ZNF536: variants seen among roughly 807,000 people sequenced by gnomAD.
ZNF536 encodes zinc finger protein 536.
A neutral mutation model predicts 84.5 loss-of-function variants in ZNF536; 13 were observed. That is an observed-to-expected ratio of 0.15 (90% CI 0.10 to 0.24). The LOEUF (loss-of-function observed/expected upper bound fraction) is 0.24. ZNF536 is among the 10% of genes least tolerant of loss of function. The pLI, the probability that ZNF536 is intolerant of heterozygous loss-of-function variation, is 1.00. For synonymous variants in ZNF536, 811 were observed against 742.5 expected, an observed-to-expected ratio of 1.09 and a Z score of -1.50; for missense variants, 1,536 against 1,747.5, an observed-to-expected ratio of 0.88 and a Z score of 2.16.
At chr19:30,450,141 A>C (rs1169445754) in intron 2 of ZNF536, among the ~76,000 whole-genome samples, 3 of 146,870 alleles carry the variant, frequency 2.0e-5, no homozygotes, top group Admixed American at 6.8e-5. Flanking sequence ...GTCAATTAGT[A>C]ACTGAGCAGA....
At chr19:30,229,252 G>A (rs1043948224) in intron 1 of ZNF536, among the ~76,000 whole-genome samples, 1 of 152,150 alleles carries the variant, frequency 6.6e-6, no homozygotes, top group African/African-American at 2.4e-5. Flanking sequence ...TTTGCTTGAA[G>A]GAGAGTGCAG....
intron 2 of ZNF536, among the ~76,000 whole-genome samples, chr19:30,312,946 C>T (rs1433434841): frequency 6.6e-6 from 1 of 152,240 alleles, no homozygotes; most frequent in Non-Finnish European, 1.5e-5. Flanking sequence ...CAGGGCAGGG[C>T]CTGCTTCAGT....
intron 2 of ZNF536, among the ~76,000 whole-genome samples, chr19:30,525,970 A>C (rs959834417): frequency 6.6e-6 from 1 of 152,198 alleles, no homozygotes; most frequent in African/African-American, 2.4e-5. Flanking sequence ...CCCTGCCCCC[A>C]ACCAGAGGCT....
chr19:30,290,860 C>T (rs1600096672), intron 2 of ZNF536, among the ~76,000 whole-genome samples: 1 of 152,140 alleles, frequency 6.6e-6, no homozygotes, highest in East Asian at 1.9e-4. Flanking sequence ...CACCAACAGG[C>T]CCTGGTGTGT....
intron 1 of ZNF536, among the ~76,000 whole-genome samples, chr19:30,640,389 G>A (rs376194605): frequency 2.0e-5 from 3 of 152,172 alleles, no homozygotes; most frequent in South Asian, 2.1e-4. Flanking sequence ...GTAAAATAAC[G>A]TCTTAAATAA....
chr19:30,346,161 T>C (rs535947075), intron 2 of ZNF536, among the ~76,000 whole-genome samples: 4 of 152,232 alleles, frequency 2.6e-5, no homozygotes, highest in South Asian at 2.1e-4. Flanking sequence ...AGGAGACACC[T>C]TGGGAGCCAG....
intron 1 of ZNF536, among the ~76,000 whole-genome samples, chr19:30,435,674 T>C (rs755938105): frequency 6.6e-6 from 1 of 152,178 alleles, no homozygotes; most frequent in Non-Finnish European, 1.5e-5. Flanking sequence ...TCTTAACAAC[T>C]ACCCCATGTG....
Position 30,627,531 on chromosome 19 carries a change from C to T in ZNF536, c.169+78017C>T, listed in dbSNP as rs1225630981. Among the ~76,000 whole-genome samples, 5 of 128,898 alleles carry T rather than the reference C, an allele frequency of 3.9e-5. No homozygotes were observed. In the East Asian group the frequency reaches 1.2e-3, roughly 30 times the overall value. 84.6% of individuals were successfully genotyped at this position (128,898 alleles called of 152,430 possible). On this transcript the variant is annotated intron_variant, in intron 1 of 1. Transcript: ENST00000592773. ...CTTTCTATGCTGGAGCTGGAAGACA[C>T]AAGAATTGGGTTCCAGCCCTGCCTC...
chr19:30,238,043 C>G (rs183551029), intron 1 of ZNF536, among the ~76,000 whole-genome samples: 1 of 152,302 alleles, frequency 6.6e-6, no homozygotes, highest in African/African-American at 2.4e-5. Context: ...TAGAACTGGA[C>G]TAATTCTTTC....
chr19:30,675,785 A>G (rs2050732825), intron 1 of ZNF536, among the ~76,000 whole-genome samples: 1 of 152,174 alleles, frequency 6.6e-6, no homozygotes, highest in Admixed American at 6.5e-5. Flanking sequence ...GGCTATAGAG[A>G]TGACAGCCCT....
intron 1 of ZNF536, among the ~76,000 whole-genome samples, chr19:30,591,711 G>A (rs545613142): frequency 6.6e-6 from 1 of 152,206 alleles, no homozygotes; most frequent in Non-Finnish European, 1.5e-5. Context: ...TTGATGGGTT[G>A]CTGGAGCAGT....
chr19:30,248,406 T>C (rs1166971264), intron 1 of ZNF536, among the ~76,000 whole-genome samples: 3 of 150,806 alleles, frequency 2.0e-5, no homozygotes, highest in Non-Finnish European at 4.4e-5. Context: ...ATTTTTTTTT[T>C]TTTTTTTTTG....
At chr19:30,486,761 C>G (rs903970942) in intron 2 of ZNF536, among the ~76,000 whole-genome samples, 4 of 152,172 alleles carry the variant, frequency 2.6e-5, no homozygotes, top group Admixed American at 1.3e-4. Flanking sequence ...TTGACAGCAT[C>G]TGTTGTTTCT....
chr19:30,567,091 C>A (rs934616392), intron 1 of ZNF536, among the ~76,000 whole-genome samples: 1 of 152,216 alleles, frequency 6.6e-6, no homozygotes. Context: ...CACTCAGCTG[C>A]CTCACCTTGC....
chr19:30,273,653 G>A (rs928908352), intron 1 of ZNF536, among the ~76,000 whole-genome samples: 3 of 152,148 alleles, frequency 2.0e-5, no homozygotes, highest in African/African-American at 4.8e-5. Context: ...TATCAGATAT[G>A]TGTTTTGCAA....
chr19:30,336,594 A>T (rs905835644), intron 2 of ZNF536, among the ~76,000 whole-genome samples: 2 of 152,140 alleles, frequency 1.3e-5, no homozygotes, highest in South Asian at 4.1e-4. Context: ...GGCAGAGAGG[A>T]CAGAGAAAAG....
At chr19:30,306,504 A>G (rs1226284150) in intron 2 of ZNF536, among the ~76,000 whole-genome samples, 2 of 152,220 alleles carry the variant, frequency 1.3e-5, no homozygotes, top group Non-Finnish European at 2.9e-5. Flanking sequence ...GAGCTAATGA[A>G]AGCTGTCAAG....
intron 1 of ZNF536, among the ~76,000 whole-genome samples, chr19:30,567,180 C>T (rs553171587): frequency 2.0e-5 from 3 of 152,368 alleles, no homozygotes; most frequent in African/African-American, 7.2e-5. Context: ...ATAACAACAG[C>T]CAGTTCCTGC....
intron 2 of ZNF536, among the ~76,000 whole-genome samples, chr19:30,485,185 A>C (rs373844933): frequency 6.8e-6 from 1 of 146,546 alleles, no homozygotes; most frequent in Admixed American, 6.6e-5. Flanking sequence ...TAAATACATA[A>C]ATAAAATAAA....
Sources: allele counts gnomAD v4.1 joint callset (sites outside exome capture counted in the v4.1 genomes callset), GRCh38; gene constraint gnomAD v4.1.1; transcripts MANE v1.5; gene names NCBI Gene and HGNC (gene_info 2026-07-23, HGNC 2026-07-21).